The following CYP19A1 variants were observed in gnomAD, a reference collection of about 807,000 sequenced individuals.
The protein encoded by CYP19A1 is aromatase.
Under a neutral mutation model 44.4 loss-of-function variants are expected in CYP19A1, and 32 were observed. The observed-to-expected ratio is 0.72, with a 90% confidence interval of 0.54 to 0.97. The LOEUF is 0.97. Ranked by LOEUF, CYP19A1 falls within the 50% of genes least tolerant of loss-of-function variation. The pLI, the probability that CYP19A1 is intolerant of heterozygous loss-of-function variation, is 0.00. For synonymous variants in CYP19A1, 212 were observed against 215.6 expected (o/e 0.98, Z 0.14); for missense variants, 598 against 637.8 (o/e 0.94, Z 0.67).
At chr15:51,305,422 G>T (rs1277741055) in intron 1 of CYP19A1, among the ~76,000 whole-genome samples, 1 of 152,158 alleles carries the variant, frequency 6.6e-6, no homozygotes, top group East Asian at 1.9e-4. Context: ...GAGCTGTGAA[G>T]CACAAGATGC....
chr15:51,287,868 G>GA (rs1220536367), intron 1 of CYP19A1, among the ~76,000 whole-genome samples: 18 of 152,302 alleles, frequency 1.2e-4, no homozygotes, highest in African/African-American at 3.4e-4. Flanking sequence ...GTTGAAGGTG[G>GA]AATGTTCAAA....
rs1215216031 is a variant in CYP19A1, at chr15:51,209,160, A to T, written c.*1648T>A. 1 of 152,352 alleles carries T rather than the reference A, an allele frequency of 6.6e-6. No homozygotes were observed. Among genetic ancestry groups the T allele is most frequent in the East Asian group, 1.9e-4 (1 of 5,192 alleles). The allele number at this position is 152,352 out of a possible 1,614,324, so 9.4% of individuals were successfully genotyped here. A position where few individuals can be genotyped will look rare whatever the true frequency, so the allele number is the denominator to read the frequency against. ...TTTTTAGGCCATATAGATGATCCAA[A>T]TAATTCCAAGCTCAAATAAATGTTT... On this transcript the variant is annotated 3_prime_UTR_variant, in exon 10 of 10. Transcript: ENST00000396402.
Position 51,283,071 on chromosome 15 carries a change from T to A in CYP19A1, c.-38-40121A>T, listed in dbSNP as rs1205775120. ...GAGCAAAAATTCCAGTTTTTTTTGG[T>A]CAATGTGAGTGATAATAAAGGCAGC... is the stretch of plus-strand genomic sequence containing the variant. On this transcript the variant is annotated intron_variant, in intron 1 of 9. Transcript: ENST00000396402. Among the ~76,000 whole-genome samples, 4 of 152,070 alleles carry A rather than the reference T, an allele frequency of 2.6e-5. No homozygotes were observed. In the East Asian group the frequency reaches 7.7e-4, roughly 29 times the overall value.
chr15:51,243,034 C>T (rs1360516138), intron 1 of CYP19A1, 84 bp from the exon 2 acceptor site: 8 of 778,550 alleles, frequency 1.0e-5, no homozygotes, highest in Non-Finnish European at 1.9e-5. Context: ...GGGTGCTGTA[C>T]AGTACAGATT....
chr15:51,315,510 G>C (rs2036408755), intron 1 of CYP19A1, among the ~76,000 whole-genome samples: 1 of 152,004 alleles, frequency 6.6e-6, no homozygotes, highest in Admixed American at 6.6e-5. Flanking sequence ...AGCAATTTTA[G>C]AGCAAGAACC....
intron 2 of CYP19A1, among the ~76,000 whole-genome samples, chr15:51,237,246 G>A (rs1243192801): frequency 5.9e-5 from 9 of 152,152 alleles, no homozygotes; most frequent in African/African-American, 2.2e-4. Flanking sequence ...TACCACACTA[G>A]TTTTATTTGG....
chr15:51,234,429 A>C (rs1210207812), intron 3 of CYP19A1, among the ~76,000 whole-genome samples: 2 of 152,170 alleles, frequency 1.3e-5, no homozygotes, highest in Non-Finnish European at 2.9e-5. Context: ...TTTCCTAATT[A>C]AGACTAGCGG....
chr15:51,212,672 T>A (rs561436021), intron 8 of CYP19A1, 111 bp from the exon 9 acceptor site: 1 of 760,472 alleles, frequency 1.3e-6, no homozygotes, highest in Non-Finnish European at 2.3e-6. Flanking sequence ...TTGAAAAAAA[T>A]TGTGGCTCTA....
At chr15:51,328,155 T>C (rs764775937) in intron 1 of CYP19A1, among the ~76,000 whole-genome samples, 3 of 152,220 alleles carry the variant, frequency 2.0e-5, no homozygotes, top group Admixed American at 6.5e-5. Flanking sequence ...TGAACAATCT[T>C]CATAAAGTCC....
intron 1 of CYP19A1, among the ~76,000 whole-genome samples, chr15:51,329,483 C>G (rs547970145): frequency 3.9e-5 from 6 of 152,286 alleles, no homozygotes; most frequent in Non-Finnish European, 7.4e-5. Context: ...TAGTAGTGCC[C>G]CCCAAGAGGT....
chr15:51,283,408 C>T (rs1333383721), intron 1 of CYP19A1, among the ~76,000 whole-genome samples: 3 of 152,078 alleles, frequency 2.0e-5, no homozygotes, highest in Non-Finnish European at 4.4e-5. Context: ...AAGCTAGAGC[C>T]GAGGGAGACC....
intron 1 of CYP19A1, among the ~76,000 whole-genome samples, chr15:51,248,234 G>A (rs2141136182): frequency 6.6e-6 from 1 of 152,284 alleles, no homozygotes; most frequent in African/African-American, 2.4e-5. Flanking sequence ...AAAGGACCAG[G>A]CATGATGCCA....
chr15:51,267,901 G>T (rs551073013), intron 1 of CYP19A1, among the ~76,000 whole-genome samples: 1 of 152,150 alleles, frequency 6.6e-6, no homozygotes, highest in Admixed American at 6.5e-5. Flanking sequence ...GAGCCTGAAC[G>T]CCACAACTGG....
rs1223724136 is a variant in CYP19A1 at position 51,305,588 on chromosome 15, T to A, written c.-39+32907A>T. Among the ~76,000 whole-genome samples the A allele has an allele frequency of 2.0e-5, 3 of 151,978 alleles. No homozygotes were observed. The East Asian group carries it at 5.8e-4, about 30-fold the overall frequency. On this transcript the variant is annotated intron_variant, in intron 1 of 9. Coordinates refer to ENST00000396402, the MANE Select transcript of CYP19A1 (RefSeq NM_000103.4). ...TTCGTTTGTTTGTTTTGAGACAGAG[T>A]CTCACTCTGTCGCCCAGGATGGAGT...
At chr15:51,232,191 C>T (rs913496357) in intron 3 of CYP19A1, among the ~76,000 whole-genome samples, 3 of 152,178 alleles carry the variant, frequency 2.0e-5, no homozygotes, top group South Asian at 2.1e-4. Flanking sequence ...TCTTCTCCCC[C>T]GATTCTCTTC....
At chr15:51,315,253 G>C (rs1331607335) in intron 1 of CYP19A1, among the ~76,000 whole-genome samples, 2 of 152,062 alleles carry the variant, frequency 1.3e-5, no homozygotes, top group Non-Finnish European at 2.9e-5. Context: ...AGAAGGTTAT[G>C]CGTGCTTCTG....
intron 1 of CYP19A1, among the ~76,000 whole-genome samples, chr15:51,292,090 A>T (rs1187796120): frequency 6.6e-6 from 1 of 152,196 alleles, no homozygotes; most frequent in Admixed American, 6.5e-5. Flanking sequence ...TCTTTCAAGA[A>T]ATTTGGCAGT....
chr15:51,266,374 C>T lies in CYP19A1; in HGVS notation c.-38-23424G>A, dbSNP rs2034918256. 2.0e-5 allele frequency among the ~76,000 whole-genome samples: 3 copies of T among 152,210 alleles called. No homozygotes were observed. In the South Asian group the frequency reaches 6.2e-4, roughly 32 times the overall value. ...TTTGGAGCCCAGGCCACCTGTCTCT[C>T]ATTCCAACCAGTGCCCCCTAAAGAT... On this transcript the variant is annotated intron_variant, in intron 1 of 9. Transcript: ENST00000396402.
intron 1 of CYP19A1, among the ~76,000 whole-genome samples, chr15:51,267,991 A>G (rs1170175436): frequency 6.6e-6 from 1 of 152,196 alleles, no homozygotes; most frequent in Non-Finnish European, 1.5e-5. Flanking sequence ...ATATGAAAGC[A>G]AAGTACCATA....
Sources: allele counts gnomAD v4.1 joint callset (sites outside exome capture counted in the v4.1 genomes callset), GRCh38; gene constraint gnomAD v4.1.1; transcripts MANE v1.5; gene names NCBI Gene and HGNC (gene_info 2026-07-23, HGNC 2026-07-21).